The following ARL15 variants were observed in gnomAD, a reference collection of about 807,000 sequenced individuals.
ARL15 encodes ADP-ribosylation factor-like protein 15.
In ARL15, 19 loss-of-function variants were observed where a neutral mutation model predicts 25.2. That is an observed-to-expected ratio of 0.75 (90% CI 0.53 to 1.10). The LOEUF (loss-of-function observed/expected upper bound fraction) is 1.10, where lower values mean the gene tolerates loss of function less well. Among genes scored for constraint, ARL15 ranks in the 50% least tolerant of loss-of-function variants. ARL15 has a pLI of 0.00. For missense variants in ARL15, 220 were observed against 246.0 expected (o/e 0.89, Z 0.71); for synonymous variants, 94 against 86.8 (o/e 1.08, Z -0.46).
intron 4 of ARL15, among the ~76,000 whole-genome samples, chr5:54,059,685 T>C (rs1051655578): frequency 1.3e-5 from 2 of 152,242 alleles, no homozygotes; most frequent in South Asian, 4.1e-4. Context: ...AAGGACACTT[T>C]GCTTGATAGT....
At chr5:54,092,185 G>T (rs1480812780) in intron 4 of ARL15, among the ~76,000 whole-genome samples, 1 of 152,142 alleles carries the variant, frequency 6.6e-6, no homozygotes, top group East Asian at 1.9e-4. Flanking sequence ...TCTGTGCTAT[G>T]TATTTATTCC....
chr5:53,929,361 C>T (rs1300619055), intron 4 of ARL15, among the ~76,000 whole-genome samples: 3 of 152,008 alleles, frequency 2.0e-5, no homozygotes, highest in Admixed American at 1.3e-4. Flanking sequence ...AAGTACAACC[C>T]GAATATGCAT....
At chr5:54,220,025 A>G (rs1033438896) in intron 1 of ARL15, among the ~76,000 whole-genome samples, 4 of 152,252 alleles carry the variant, frequency 2.6e-5, no homozygotes, top group African/African-American at 9.6e-5. Flanking sequence ...TAAGAAAAGT[A>G]TGGAAACAAG....
intron 4 of ARL15, among the ~76,000 whole-genome samples, chr5:54,003,092 G>T (rs1748899964): frequency 6.6e-6 from 1 of 152,198 alleles, no homozygotes; most frequent in Admixed American, 6.5e-5. Flanking sequence ...GCACTGTGGT[G>T]AAGGGCATGG....
chr5:54,220,934 TC>T (rs999460903), intron 1 of ARL15, among the ~76,000 whole-genome samples: 3 of 152,004 alleles, frequency 2.0e-5, no homozygotes, highest in African/African-American at 7.3e-5. Context: ...CTTTTTTTTT[TC>T]CCTTTAATTC....
chr5:53,934,425 T>A (rs1417250131), intron 4 of ARL15, among the ~76,000 whole-genome samples: 2 of 70,902 alleles, frequency 2.8e-5, no homozygotes, highest in African/African-American at 5.0e-5. Context: ...GGACAGCATA[T>A]AAATTGAGAA....
intron 3 of ARL15, among the ~76,000 whole-genome samples, chr5:54,126,458 A>G (rs190630849): frequency 2.8e-4 from 43 of 151,788 alleles, no homozygotes; most frequent in Non-Finnish European, 2.5e-4. Context: ...CTAATTCTCA[A>G]TCAACTGCCC....
At chr5:54,106,714 G>C (rs1347395309) in intron 4 of ARL15, among the ~76,000 whole-genome samples, 1 of 152,048 alleles carries the variant, frequency 6.6e-6, no homozygotes, top group East Asian at 1.9e-4. Flanking sequence ...ATTGGTTGTT[G>C]GTTGAATACA....
chr5:54,229,782 A>G (rs1287753209), intron 1 of ARL15, among the ~76,000 whole-genome samples: 1 of 152,190 alleles, frequency 6.6e-6, no homozygotes, highest in Non-Finnish European at 1.5e-5. Flanking sequence ...ATTGCTCCAC[A>G]CCATAGGGGC....
At chr5:54,191,566 G>A (rs1178253274) in intron 1 of ARL15, among the ~76,000 whole-genome samples, 3 of 151,992 alleles carry the variant, frequency 2.0e-5, no homozygotes, top group African/African-American at 7.3e-5. Flanking sequence ...TTCCTCCTTA[G>A]TTAACAACAG....
At chr5:54,116,223 C>A (rs1032278888) in intron 3 of ARL15, among the ~76,000 whole-genome samples, 1 of 152,142 alleles carries the variant, frequency 6.6e-6, no homozygotes, top group African/African-American at 2.4e-5. Flanking sequence ...CAATTACTGT[C>A]AGCCAAGGGC....
At chr5:53,901,965 A>G (rs1745081479) in intron 4 of ARL15, among the ~76,000 whole-genome samples, 1 of 152,238 alleles carries the variant, frequency 6.6e-6, no homozygotes, top group South Asian at 2.1e-4. Flanking sequence ...TCTGCAAAAT[A>G]GCATGAGAGG....
At chr5:54,279,825 T>G (rs531277083) in intron 1 of ARL15, among the ~76,000 whole-genome samples, 4 of 152,296 alleles carry the variant, frequency 2.6e-5, no homozygotes, top group African/African-American at 9.6e-5. Flanking sequence ...ATTCCCAAGT[T>G]CTAGATGGAA....
chr5:54,013,808 A>G (rs1391653449), intron 4 of ARL15, among the ~76,000 whole-genome samples: 1 of 151,968 alleles, frequency 6.6e-6, no homozygotes, highest in Non-Finnish European at 1.5e-5. Flanking sequence ...CTATGATTTC[A>G]CTTGTAATCA....
At chr5:53,941,071 T>C (rs1746525127) in intron 4 of ARL15, among the ~76,000 whole-genome samples, 1 of 152,180 alleles carries the variant, frequency 6.6e-6, no homozygotes, top group Non-Finnish European at 1.5e-5. Flanking sequence ...ATTTGAAAGA[T>C]TTTTACCTTA....
intron 3 of ARL15, among the ~76,000 whole-genome samples, chr5:54,121,695 T>C (rs1016366008): frequency 1.3e-5 from 2 of 152,180 alleles, no homozygotes; most frequent in African/African-American, 2.4e-5. Flanking sequence ...AGAATGATGG[T>C]AGAGTGATGA....
intron 4 of ARL15, among the ~76,000 whole-genome samples, chr5:54,052,325 A>G (rs1750727150): frequency 6.6e-6 from 1 of 152,216 alleles, no homozygotes; most frequent in South Asian, 2.1e-4. Context: ...CATGAAATGC[A>G]ATCTAAATAT....
At chr5:54,138,149 A>G (rs1028848453) in intron 3 of ARL15, among the ~76,000 whole-genome samples, 1 of 152,128 alleles carries the variant, frequency 6.6e-6, no homozygotes, top group Non-Finnish European at 1.5e-5. Flanking sequence ...TATATTTAGG[A>G]TTTTCTTCCA....
At chr5:54,026,530 A>T (rs559489035) in intron 4 of ARL15, among the ~76,000 whole-genome samples, 1 of 152,300 alleles carries the variant, frequency 6.6e-6, no homozygotes, top group South Asian at 2.1e-4. Flanking sequence ...TCAGCCTCCC[A>T]AAGTACTGGA....
Sources: gnomAD v4.1 joint callset for allele counts (sites outside exome capture counted in the v4.1 genomes callset) on GRCh38, gnomAD v4.1.1 for gene constraint, MANE v1.5 for transcripts, NCBI Gene and HGNC (gene_info 2026-07-23, HGNC 2026-07-21) for gene names.